Variants in POT1 observed in about 807,000 individuals in gnomAD.
The protein encoded by POT1 is protection of telomeres 1.
In POT1, 47 loss-of-function variants were observed where a neutral mutation model predicts 78.5. That is an observed-to-expected ratio of 0.60 (90% CI 0.47 to 0.76). The LOEUF (loss-of-function observed/expected upper bound fraction) is 0.76. Among genes scored for constraint, POT1 ranks in the 30% least tolerant of loss-of-function variants. The pLI is 0.00. For missense variants in POT1, 646 were observed against 749.9 expected, an observed-to-expected ratio of 0.86 and a Z score of 1.62; for synonymous variants, 259 against 260.7, an observed-to-expected ratio of 0.99 and a Z score of 0.06.
chr7:124,856,995 G>A (rs1795463121), intron 9 of POT1, among the ~76,000 whole-genome samples: 1 of 152,124 alleles, frequency 6.6e-6, no homozygotes, highest in South Asian at 2.1e-4. Context: ...CTGGACCCTG[G>A]ATTTAATCTA....
At chr7:124,890,600 C>A (rs1796347019) in intron 6 of POT1, among the ~76,000 whole-genome samples, 1 of 151,798 alleles carries the variant, frequency 6.6e-6, no homozygotes, top group Non-Finnish European at 1.5e-5. Flanking sequence ...CACAGCTACA[C>A]CAGTCTTCAG....
chr7:124,924,526 C>T (rs1797228816), intron 2 of POT1, among the ~76,000 whole-genome samples: 1 of 149,934 alleles, frequency 6.7e-6, no homozygotes, highest in Non-Finnish European at 1.5e-5. Flanking sequence ...GATGGATTCA[C>T]AGCCTAGATG....
intron 2 of POT1, among the ~76,000 whole-genome samples, chr7:124,926,723 T>C (rs1797283257): frequency 6.6e-6 from 1 of 152,148 alleles, no homozygotes; most frequent in East Asian, 1.9e-4. Flanking sequence ...AAGTCACATA[T>C]GTACACAATA....
At position 124,823,982 on chromosome 7, in the gene POT1, C is replaced by T. The variant is rs747028178; in HGVS notation, c.1885G>A (p.Val629Ile). ...QICYQIFDTT[V>I]AEDVI The stretch of plus-strand genomic sequence containing the variant: ...CAATATTAGATTACATCTTCTGCAA[C>T]TGTGGTGTCAAAAATCTGATAGCAA... The change falls in exon 19 of 19, where the codon GTT (valine) becomes ATT (isoleucine). Residue 629 changes from valine (V) to isoleucine (I), a missense_variant. This residue lies in a region of POT1 where 394 missense variants were observed against 408.4 expected (regional missense o/e 0.96). Transcript: ENST00000357628. The T allele has an allele frequency of 6.3e-7, 1 of 1,587,132 alleles. No individual in the cohort carries two copies. The highest frequency in any genetic ancestry group is 8.6e-7 in the Non-Finnish European group (1 of 1,157,018).
rs867626514 is a variant in POT1, at chr7:124,881,286, T to C, written c.125-10245A>G. Among the ~76,000 whole-genome samples the C allele has an allele frequency of 1.6e-4, 24 of 152,132 alleles. 1 individual carries two copies. Among genetic ancestry groups the C allele is most frequent in the Non-Finnish European group, 2.4e-4 (16 of 67,894 alleles). ...TTATGCCAATATTAAGTGCCACGTA[T>C]CAGGTTTCTACACATGCTCCATTAT... On this transcript the variant is annotated intron_variant, in intron 6 of 18. Coordinates refer to ENST00000357628, the MANE Select transcript of POT1 (RefSeq NM_015450.3).
intron 6 of POT1, among the ~76,000 whole-genome samples, chr7:124,872,131 AG>A (rs1795885407): frequency 1.3e-5 from 2 of 152,238 alleles, no homozygotes; most frequent in African/African-American, 4.8e-5. Flanking sequence ...AATGTCCTCC[AG>A]GTTCATCCAT....
chr7:124,838,551 G>A lies in POT1; in HGVS notation c.1369+2422C>T, dbSNP rs746730400. ...CATAGAAAGATAGTCCATGTTCATC[G>A]TCAATAACATCAAGTTGTTAGTTCT... On this transcript the variant is annotated intron_variant, in intron 14 of 18. Coordinates refer to ENST00000357628, the MANE Select transcript of POT1 (RefSeq NM_015450.3). 5.3e-5 allele frequency among the ~76,000 whole-genome samples: 8 copies of A among 151,856 alleles called. No homozygotes were observed. In the South Asian group the frequency reaches 6.2e-4, roughly 12 times the overall value.
intron 5 of POT1, among the ~76,000 whole-genome samples, chr7:124,896,120 C>G (rs899031091): frequency 2.7e-5 from 4 of 147,040 alleles, no homozygotes; most frequent in Middle Eastern, 3.7e-3. Flanking sequence ...AAAACAGTAA[C>G]TCCGTTTTCT....
intron 6 of POT1, among the ~76,000 whole-genome samples, chr7:124,876,566 C>A (rs1242103761): frequency 2.0e-5 from 3 of 152,134 alleles, no homozygotes; most frequent in South Asian, 2.1e-4. Flanking sequence ...ATATGGTGCA[C>A]CTGCTTCCCC....
intron 2 of POT1, among the ~76,000 whole-genome samples, chr7:124,919,245 T>C (rs528695321): frequency 1.3e-5 from 2 of 152,288 alleles, no homozygotes; most frequent in South Asian, 4.1e-4. Flanking sequence ...CACAATACTA[T>C]GATGTTATGG....
At chr7:124,852,086 G>T (rs1282979780) in intron 10 of POT1, 135 bp from the exon 11 acceptor site, 1 of 584,248 alleles carries the variant, frequency 1.7e-6, no homozygotes, top group East Asian at 3.0e-5. Flanking sequence ...TTCAGTAAAG[G>T]ATCTATTGCT....
In POT1 at chr7:124,835,406, G is replaced by C. The variant is rs772428072; in HGVS notation, c.1378C>G (p.Leu460Val). The change falls in exon 15 of 19, where the codon CTC (leucine) becomes GTC (valine). Residue 460 changes from leucine to valine, a missense_variant. Around this residue, in one of 2 missense-constraint regions of POT1, gnomAD observed 394 missense variants for 408.4 expected, o/e 0.96. Coordinates refer to ENST00000357628, the MANE Select transcript of POT1 (RefSeq NM_015450.3). The stretch of plus-strand genomic sequence containing the variant: ...TTCGAGAGTTTGCAAATTTCACTGA[G>C]TGTACCTCCTGTTAAGAGAATAAAT... ...ECLLLIEGGT[L>V]SEICKLSNKF... The C allele has an allele frequency of 2.2e-5, 35 of 1,611,204 alleles. No individual in the cohort carries two copies. The highest frequency in any genetic ancestry group is 1.3e-5 in the African/African-American group (1 of 74,836).
At chr7:124,927,901 G>C (rs1056511416) in intron 2 of POT1, among the ~76,000 whole-genome samples, 2 of 152,126 alleles carry the variant, frequency 1.3e-5, no homozygotes, top group African/African-American at 4.8e-5. Flanking sequence ...TACTGATTCT[G>C]CTTCTTTATC....
chr7:124,822,985 CA>C lies in POT1; in HGVS notation c.*976del. The C allele has an allele frequency of 6.1e-6, 1 of 164,398 alleles. No homozygotes were observed. The highest frequency in any genetic ancestry group is 1.7e-4 in the South Asian group (1 of 6,060). 10.2% of individuals were successfully genotyped at this position (164,398 alleles called of 1,614,324 possible). ...TGTTCCAGAATCCTTGAGTGGTTAA[CA>C]GTACAGGCTCTGAATAGAGATTATG... is the stretch of plus-strand genomic sequence containing the variant. On this transcript the variant is annotated 3_prime_UTR_variant, in exon 19 of 19. Coordinates refer to ENST00000357628, the MANE Select transcript of POT1 (RefSeq NM_015450.3).
At position 124,824,072 on chromosome 7, in the gene POT1, C is replaced by A. The variant is rs1794572799; in HGVS notation, c.1795G>T (p.Ala599Ser). 1 of 1,572,742 alleles carries A rather than the reference C, an allele frequency of 6.4e-7. No homozygotes were observed. The highest frequency in any genetic ancestry group is 8.7e-7 in the Non-Finnish European group (1 of 1,153,074). The change falls in exon 19 of 19, where the codon GCA (alanine) becomes TCA (serine). Residue 599 changes from alanine (A) to serine (S), a missense_variant and splice_region_variant. By Grantham distance (99) the Ala-to-Ser change is moderately conservative. Coordinates refer to ENST00000357628, the MANE Select transcript of POT1 (RefSeq NM_015450.3). ...MFCPPGIKID[A>S]YPWLECFIKS... ...ATGAAGCATTCCAACCACGGATATG[C>A]ATCTACAAAAACAAAAACAAAAAAA...
At chr7:124,884,555 C>A (rs1295014209) in intron 6 of POT1, among the ~76,000 whole-genome samples, 1 of 151,836 alleles carries the variant, frequency 6.6e-6, no homozygotes, top group Non-Finnish European at 1.5e-5. Flanking sequence ...GGTAGTGAGC[C>A]CACAGGTGAT....
At chr7:124,828,728 T>C (rs1393827881) in intron 16 of POT1, among the ~76,000 whole-genome samples, 2 of 151,994 alleles carry the variant, frequency 1.3e-5, no homozygotes, top group African/African-American at 4.8e-5. Context: ...AAGAATAGAA[T>C]GAGAAGACCA....
At chr7:124,870,254 A>G (rs1805042247) in intron 7 of POT1, among the ~76,000 whole-genome samples, 1 of 152,174 alleles carries the variant, frequency 6.6e-6, no homozygotes, top group South Asian at 2.1e-4. Flanking sequence ...TCAATTAAAT[A>G]AATATTATAG....
chr7:124,897,533 T>C (rs1440644730), intron 4 of POT1, among the ~76,000 whole-genome samples: 1 of 151,912 alleles, frequency 6.6e-6, no homozygotes, highest in Non-Finnish European at 1.5e-5. Context: ...GAATGCCAAC[T>C]CCTATCAGTC....
Sources: allele counts gnomAD v4.1 joint callset (sites outside exome capture counted in the v4.1 genomes callset), GRCh38; gene constraint gnomAD v4.1.1; regional missense constraint gnomAD v4.1.1; transcripts MANE v1.5; gene names NCBI Gene and HGNC (gene_info 2026-07-23, HGNC 2026-07-21).